NUDT3: variants seen among roughly 807,000 people sequenced by gnomAD.
NUDT3 encodes diphosphoinositol polyphosphate phosphohydrolase 1.
In NUDT3, 9 loss-of-function variants were observed where a neutral mutation model predicts 23.6. That is an observed-to-expected ratio of 0.38 (90% CI 0.23 to 0.66). The LOEUF is 0.66. Among genes scored for constraint, NUDT3 ranks in the 30% least tolerant of loss-of-function variants. The pLI, the probability that NUDT3 is intolerant of heterozygous loss-of-function variation, is 0.52. For synonymous variants in NUDT3, 86 were observed against 82.6 expected (o/e 1.04, Z -0.22); for missense variants, 172 against 218.5 (o/e 0.79, Z 1.34).
At chr6:34,291,785 G>A (rs1170448839) in intron 4 of NUDT3, among the ~76,000 whole-genome samples, 3 of 152,208 alleles carry the variant, frequency 2.0e-5, no homozygotes, top group Non-Finnish European at 2.9e-5. Flanking sequence ...TTACAGGCGT[G>A]AGCCACTGCA....
At chr6:34,339,213 G>C (rs543600667) in intron 2 of NUDT3, among the ~76,000 whole-genome samples, 12 of 152,338 alleles carry the variant, frequency 7.9e-5, no homozygotes, top group Admixed American at 4.6e-4. Flanking sequence ...TCTTGTTCAA[G>C]TGCTTTGTAT....
At chr6:34,339,452 T>A (rs563182501) in intron 2 of NUDT3, among the ~76,000 whole-genome samples, 32 of 152,310 alleles carry the variant, frequency 2.1e-4, no homozygotes, top group African/African-American at 7.7e-4. Flanking sequence ...TGCAGTAGTA[T>A]CTCAAAATCA....
In NUDT3 at chr6:34,392,389, G is replaced by GAC. The variant is rs767682047; in HGVS notation, c.-28_-27insGT. ...CTCCGGGCCCGGGTGGGGGTGCGGTGCGGGTCGCAGGAGTCGAGGGGTGGG... is the reference window on the plus strand; with the variant it reads ...CTCCGGGCCCGGGTGGGGGTGCGGTGACCGGGTCGCAGGAGTCGAGGGGTGGG... On this transcript the variant is annotated 5_prime_UTR_variant, in exon 1 of 5. Transcript: ENST00000607016. 6.3e-7 allele frequency: 1 copy of GAC among 1,576,754 alleles called. No homozygotes were observed. Among genetic ancestry groups the GAC allele is most frequent in the Non-Finnish European group, 8.6e-7 (1 of 1,160,608 alleles).
At chr6:34,309,108 C>CA (rs1394505654) in intron 2 of NUDT3, among the ~76,000 whole-genome samples, 2 of 151,934 alleles carry the variant, frequency 1.3e-5, no homozygotes, top group Non-Finnish European at 2.9e-5. Flanking sequence ...TGGCTGGGGA[C>CA]AGTGGCTCAC....
chr6:34,318,357 C>T (rs868496077), intron 2 of NUDT3, among the ~76,000 whole-genome samples: 2 of 152,152 alleles, frequency 1.3e-5, no homozygotes, highest in East Asian at 3.9e-4. Context: ...TCCTTCCAGT[C>T]CCAATTCCTT....
intron 3 of NUDT3, among the ~76,000 whole-genome samples, chr6:34,293,760 G>T (rs543368751): frequency 6.6e-6 from 1 of 152,236 alleles, no homozygotes; most frequent in Admixed American, 6.5e-5. Context: ...AATTATATTG[G>T]TTTTTCCTCC....
chr6:34,367,208 G>A (rs1044110951), intron 1 of NUDT3, among the ~76,000 whole-genome samples: 5 of 151,766 alleles, frequency 3.3e-5, no homozygotes, highest in East Asian at 2.0e-4. Context: ...TTGGCCGGGC[G>A]CAGTGGCTCA....
intron 2 of NUDT3, among the ~76,000 whole-genome samples, chr6:34,310,237 A>C (rs1036115969): frequency 6.6e-6 from 1 of 152,056 alleles, no homozygotes; most frequent in Non-Finnish European, 1.5e-5. Flanking sequence ...TGTCTCAAAA[A>C]TAATAACAAA....
intron 2 of NUDT3, among the ~76,000 whole-genome samples, chr6:34,328,380 A>C (rs540596248): frequency 6.6e-6 from 1 of 152,314 alleles, no homozygotes; most frequent in South Asian, 2.1e-4. Context: ...TAGTGTAGCC[A>C]AGTTTTATCA....
intron 2 of NUDT3, among the ~76,000 whole-genome samples, chr6:34,301,290 T>C (rs902779084): frequency 7.2e-5 from 11 of 152,258 alleles, no homozygotes; most frequent in Non-Finnish European, 1.0e-4. Context: ...GTAGATCAAC[T>C]GCAGAGATAG....
chr6:34,331,017 G>A (rs1764119334), intron 2 of NUDT3, among the ~76,000 whole-genome samples: 1 of 152,128 alleles, frequency 6.6e-6, no homozygotes, highest in South Asian at 2.1e-4. Context: ...ACCACGCCCA[G>A]CTAATTTTTG....
intron 1 of NUDT3, among the ~76,000 whole-genome samples, chr6:34,355,704 TG>T (rs1170452894): frequency 1.8e-5 from 1 of 54,736 alleles, no homozygotes; most frequent in Non-Finnish European, 3.3e-5. Flanking sequence ...GGGTGGGGGG[TG>T]GGGGGAGGGT....
chr6:34,330,053 C>T (rs958275097), intron 2 of NUDT3, among the ~76,000 whole-genome samples: 9 of 152,178 alleles, frequency 5.9e-5, no homozygotes, highest in Non-Finnish European at 1.3e-4. Context: ...CTATCATTGA[C>T]GGACATTTGG....
At chr6:34,367,934 G>A (rs1764764595) in intron 1 of NUDT3, among the ~76,000 whole-genome samples, 1 of 152,192 alleles carries the variant, frequency 6.6e-6, no homozygotes, top group East Asian at 1.9e-4. Context: ...CAGGCGCAGT[G>A]GCTCACGCCT....
At chr6:34,372,992 C>T (rs1333106079) in intron 1 of NUDT3, among the ~76,000 whole-genome samples, 1 of 151,394 alleles carries the variant, frequency 6.6e-6, no homozygotes, top group Non-Finnish European at 1.5e-5. Context: ...CGAGAGCACG[C>T]GCGTGTGCCG....
At chr6:34,306,858 T>C (rs1213955254) in intron 2 of NUDT3, among the ~76,000 whole-genome samples, 3 of 152,238 alleles carry the variant, frequency 2.0e-5, no homozygotes, top group Non-Finnish European at 4.4e-5. Context: ...TTATTTGTAC[T>C]AAAAGTGTGC....
chr6:34,356,073 C>T (rs2113747773), intron 1 of NUDT3, among the ~76,000 whole-genome samples: 1 of 152,202 alleles, frequency 6.6e-6, no homozygotes, highest in African/African-American at 2.4e-5. Flanking sequence ...AAATGCAGGA[C>T]ACACAGTTCC....
chr6:34,341,334 C>CAGGA (rs954699862), intron 2 of NUDT3, among the ~76,000 whole-genome samples: 1 of 151,860 alleles, frequency 6.6e-6, no homozygotes, highest in Non-Finnish European at 1.5e-5. Context: ...TATCATGGCC[C>CAGGA]AGGAACTCAA....
At chr6:34,334,991 A>G (rs1474532419) in intron 2 of NUDT3, among the ~76,000 whole-genome samples, 1 of 151,870 alleles carries the variant, frequency 6.6e-6, no homozygotes, top group Non-Finnish European at 1.5e-5. Context: ...GAGAGAGAAG[A>G]GAGAGAGAGG....
Sources: gnomAD v4.1 joint callset for allele counts (sites outside exome capture counted in the v4.1 genomes callset) on GRCh38, gnomAD v4.1.1 for gene constraint, MANE v1.5 for transcripts, NCBI Gene and HGNC (gene_info 2026-07-23, HGNC 2026-07-21) for gene names.